The following ZNF487 variants were observed in gnomAD, a reference collection of about 807,000 sequenced individuals.
ZNF487 encodes zinc finger protein 487.
A neutral mutation model predicts 3.0 loss-of-function variants in ZNF487; 4 were observed. The ratio of observed to expected loss-of-function variants is 1.35; its 90% confidence interval spans 0.66 to 3.08. The LOEUF (loss-of-function observed/expected upper bound fraction) is 3.08, where lower values mean the gene tolerates loss of function less well. Among genes scored for constraint, ZNF487 ranks in the 30% most tolerant of loss-of-function variants. ZNF487 has a pLI of 0.01. For synonymous variants in ZNF487, 55 were observed against 34.6 expected (o/e 1.59, Z -2.06); for missense variants, 146 against 98.7 (o/e 1.48, Z -2.03).
chr10:43,440,657 C>CAA (rs879288811), intron 1 of ZNF487, among the ~76,000 whole-genome samples: 1 of 134,002 alleles, frequency 7.5e-6, no homozygotes, highest in East Asian at 2.1e-4. Context: ...GACTCTGTCT[C>CAA]AAAAAAAAAA....
the ZNF487 span, among the ~76,000 whole-genome samples, chr10:43,497,983 GAT>G: frequency 0.77 from 99,646 of 130,156 alleles, 38,996 homozygotes; most frequent in East Asian, 0.96. Context: ...AAAGAAAAAA[GAT>G]ATATATATAT....
intron 1 of ZNF487, among the ~76,000 whole-genome samples, chr10:43,473,551 CT>C (rs1840981517): frequency 6.6e-6 from 1 of 151,432 alleles, no homozygotes; most frequent in African/African-American, 2.4e-5. Flanking sequence ...TGGAGTCTTG[CT>C]TTGTTGCCCA....
chr10:43,482,774 C>A lies in ZNF487; in HGVS notation c.*852C>A. 2 of 482,610 alleles carry A rather than the reference C, an allele frequency of 4.1e-6. No homozygotes were observed. Among genetic ancestry groups the A allele is most frequent in the Admixed American group, 2.4e-5 (1 of 42,254 alleles). The allele number at this position is 482,610 out of a possible 1,614,324, so 29.9% of individuals were successfully genotyped here. A position where few individuals can be genotyped will look rare whatever the true frequency, so the allele number is the denominator to read the frequency against. ...AATGCAATGAATGTCAAAAATCCTT[C>A]TCTGTGAAGTCAAAACTTAGAGAAC... On this transcript the variant is annotated 3_prime_UTR_variant, in exon 4 of 4. Coordinates refer to ENST00000437590, the MANE Select transcript of ZNF487 (RefSeq NM_001355444.3).
At chr10:43,511,899 C>A in the ZNF487 span, among the ~76,000 whole-genome samples, 8 of 152,318 alleles carry the variant, frequency 5.3e-5, no homozygotes, top group South Asian at 1.7e-3. Context: ...TCCATCCACA[C>A]ACCTCTTCCC....
chr10:43,498,649 T>C, the ZNF487 span, among the ~76,000 whole-genome samples: 1 of 151,586 alleles, frequency 6.6e-6, no homozygotes, highest in African/African-American at 2.4e-5. Context: ...GATAAGAATG[T>C]AGGTAAATCT....
chr10:43,452,449 T>C (rs1451636068), intron 1 of ZNF487: 2 of 152,258 alleles, frequency 1.3e-5, no homozygotes, highest in African/African-American at 2.4e-5. Context: ...TCACCCAGGC[T>C]GGCGTGCAGG....
At chr10:43,454,765 T>C (rs1393424456) in intron 1 of ZNF487, 1 of 152,036 alleles carries the variant, frequency 6.6e-6, no homozygotes, top group Non-Finnish European at 1.5e-5. Flanking sequence ...CGTAGAGCCA[T>C]GTCAAGAATG....
At chr10:43,495,996 A>G in the ZNF487 span, 1 of 528,364 alleles carries the variant, frequency 1.9e-6, no homozygotes, top group Non-Finnish European at 3.9e-6. Flanking sequence ...TGTAAAATGA[A>G]CACAGATGTA....
chr10:43,464,210 G>A (rs1011382875), intron 1 of ZNF487, among the ~76,000 whole-genome samples: 1 of 146,570 alleles, frequency 6.8e-6, no homozygotes, highest in Non-Finnish European at 1.5e-5. Context: ...TTGAGACAAC[G>A]TCTCACTGTG....
chr10:43,488,697 G>GT, the ZNF487 span, among the ~76,000 whole-genome samples: 348 of 152,278 alleles, frequency 2.3e-3, 4 homozygotes, highest in Admixed American at 0.02. Flanking sequence ...CTCCATGAAA[G>GT]TAGTAATTTT....
chr10:43,520,061 G>A, the ZNF487 span, among the ~76,000 whole-genome samples: 1 of 151,870 alleles, frequency 6.6e-6, no homozygotes, highest in South Asian at 2.1e-4. Context: ...GCTGAAGTTT[G>A]CTATTTTTTT....
intron 1 of ZNF487, among the ~76,000 whole-genome samples, chr10:43,445,776 A>T (rs141161427): frequency 9.9e-5 from 15 of 152,206 alleles, no homozygotes; most frequent in African/African-American, 3.6e-4. Context: ...AGTTCAGCAG[A>T]TAAACATGTG....
At chr10:43,498,097 ATATTTTTTTTTTTTTTCTTTT>A in the ZNF487 span, among the ~76,000 whole-genome samples, 14 of 10,046 alleles carry the variant, frequency 1.4e-3, no homozygotes, top group Admixed American at 3.0e-3. Flanking sequence ...ATATATATAT[ATATTTTTTTTTTTTTTCTTTT>A]TTTTTTTTTT....
chr10:43,507,175 C>G, the ZNF487 span, among the ~76,000 whole-genome samples: 3 of 152,192 alleles, frequency 2.0e-5, no homozygotes, highest in Non-Finnish European at 4.4e-5. Context: ...GCACCCTAAC[C>G]AGTTGGTGCT....
At chr10:43,514,177 G>A in the ZNF487 span, among the ~76,000 whole-genome samples, 3 of 152,244 alleles carry the variant, frequency 2.0e-5, no homozygotes, top group Non-Finnish European at 4.4e-5. Context: ...GTCTCCCTCT[G>A]TCATTCAGGC....
At chr10:43,505,034 A>G in the ZNF487 span, among the ~76,000 whole-genome samples, 1 of 150,622 alleles carries the variant, frequency 6.6e-6, no homozygotes, top group African/African-American at 2.4e-5. Flanking sequence ...AAAGAGATGG[A>G]GTATTGCTGT....
downstream of ZNF487, among the ~76,000 whole-genome samples, chr10:43,488,071 C>T (rs1456637056): frequency 6.6e-6 from 1 of 151,318 alleles, no homozygotes; most frequent in African/African-American, 2.4e-5. Flanking sequence ...CACTGCACTC[C>T]AGCCTGGGTG....
chr10:43,482,083 T>A lies in ZNF487; in HGVS notation c.*161T>A, dbSNP rs1157612383. 9 of 577,550 alleles carry A rather than the reference T, an allele frequency of 1.6e-5. No individual in the cohort carries two copies. The highest frequency in any genetic ancestry group is 3.7e-5 in the African/African-American group (2 of 53,608). 35.8% of individuals were successfully genotyped at this position (577,550 alleles called of 1,614,324 possible). ...CCACAGGGTTATGGAGATGAAATAC[T>A]ATGAGTGTAATGCGAGTGAGAATAG... is the stretch of plus-strand genomic sequence containing the variant. On this transcript the variant is annotated 3_prime_UTR_variant, in exon 4 of 4. Transcript: ENST00000437590.
intron 1 of ZNF487, among the ~76,000 whole-genome samples, chr10:43,464,591 C>G (rs1382640433): frequency 6.6e-6 from 1 of 152,128 alleles, no homozygotes; most frequent in Non-Finnish European, 1.5e-5. Context: ...AGCATGCTGC[C>G]TTCAAGCATC....
Sources: allele counts gnomAD v4.1 joint callset (sites outside exome capture counted in the v4.1 genomes callset), GRCh38; gene constraint gnomAD v4.1.1; transcripts MANE v1.5; gene names NCBI Gene and HGNC (gene_info 2026-07-23, HGNC 2026-07-21).